Variants in ZDHHC1 observed in about 807,000 individuals in gnomAD.
ZDHHC1 encodes the protein zDHHC palmitoyltransferase 1, also known as palmitoyltransferase ZDHHC1.
Under a neutral mutation model 46.9 loss-of-function variants are expected in ZDHHC1, and 45 were observed. The observed-to-expected ratio is 0.96, with a 90% CI of 0.76 to 1.23. The LOEUF (loss-of-function observed/expected upper bound fraction) is 1.23. Among genes scored for constraint, ZDHHC1 ranks in the 50% most tolerant of loss-of-function variants. The pLI is 0.00. For missense variants in ZDHHC1, 649 were observed against 670.8 expected (o/e 0.97, Z 0.36); for synonymous variants, 291 against 286.0 (o/e 1.02, Z -0.18).
intron 1 of ZDHHC1, among the ~76,000 whole-genome samples, chr16:67,411,928 C>T (rs1018086106): frequency 6.6e-6 from 1 of 152,072 alleles, no homozygotes; most frequent in Non-Finnish European, 1.5e-5. Context: ...GCCTGGTCAA[C>T]CTGGTGAAAC....
At chr16:67,415,409 T>G (rs2040817888) in intron 1 of ZDHHC1, among the ~76,000 whole-genome samples, 1 of 149,860 alleles carries the variant, frequency 6.7e-6, no homozygotes. Flanking sequence ...CGGTGACCCA[T>G]GTTCACACCA....
At chr16:67,411,331 C>T (rs886300342) in intron 1 of ZDHHC1, among the ~76,000 whole-genome samples, 4 of 152,120 alleles carry the variant, frequency 2.6e-5, no homozygotes, top group Non-Finnish European at 5.9e-5. Flanking sequence ...GAAGCAGGTG[C>T]TTGGAGGGCC....
chr16:67,398,303 T>A lies in ZDHHC1; in HGVS notation c.836A>T (p.Tyr279Phe). ...TGGGCGGTGCTGCACGATGTACTCA[T>A]AGGTGGTGAGCTTGTGCCACACTGG... is the stretch of plus-strand genomic sequence containing the variant. ...IYLMWHKLTT[Y>F]EYIVQHRPPQ... is the part of the protein sequence containing the mutation. The change falls in exon 8 of 12, where the codon TAT becomes TTT. Residue 279 changes from tyrosine to phenylalanine, a missense_variant. Coordinates refer to ENST00000565726, the MANE Select transcript of ZDHHC1 (RefSeq NM_001323627.2). 1.2e-6 allele frequency: 2 copies of A among 1,613,798 alleles called. No individual in the cohort carries two copies.
At chr16:67,402,602 A>G (rs2040572955) in intron 3 of ZDHHC1, among the ~76,000 whole-genome samples, 1 of 151,732 alleles carries the variant, frequency 6.6e-6, no homozygotes. Flanking sequence ...AGCACTGAAG[A>G]GACTGCAGTC....
intron 1 of ZDHHC1, among the ~76,000 whole-genome samples, chr16:67,413,632 T>C (rs1375422220): frequency 3.3e-5 from 5 of 152,126 alleles, no homozygotes. Flanking sequence ...TTCTCTCTCA[T>C]AAACAACAGG....
chr16:67,394,967 C>A, intron 11 of ZDHHC1, 35 bp downstream of exon 11: 1 of 1,588,554 alleles, frequency 6.3e-7, no homozygotes, highest in Non-Finnish European at 8.6e-7. Context: ...CCCTCGAGTT[C>A]CCAGAGCAGG....
At position 67,394,719 on chromosome 16, in the gene ZDHHC1, C is replaced by T. The variant is rs1367630451; in HGVS notation, c.1340G>A (p.Arg447Gln). ...GSAALAAPRG[R>Q]GRQPTLARQA... Reference sequence around the variant, plus strand: ...CCGCGCCAGCGTGGGCTGTCGGCCCCGGCCCCGCGGGGCGGCCAGAGCGGC... The same window carrying T: ...CCGCGCCAGCGTGGGCTGTCGGCCCTGGCCCCGCGGGGCGGCCAGAGCGGC... Residue 447 changes from arginine (R) to glutamine (Q), a missense_variant, in exon 12 of 12, where the codon CGG (arginine) becomes CAG (glutamine). Transcript: ENST00000565726. The T allele has an allele frequency of 8.0e-6, 11 of 1,369,586 alleles. No individual in the cohort carries two copies. Among genetic ancestry groups the T allele is most frequent in the South Asian group, 1.7e-5 (1 of 59,532 alleles). The allele number at this position is 1,369,586 out of a possible 1,614,324, so 84.8% of individuals were successfully genotyped here. A position where few individuals can be genotyped will look rare whatever the true frequency, so the allele number is the denominator to read the frequency against.
rs2040406528 is a variant in ZDHHC1 at position 67,395,285 on chromosome 16, G to C, written c.1011-5C>G. 1 of 1,536,398 alleles carries C rather than the reference G, an allele frequency of 6.5e-7. No individual in the cohort carries two copies. Among genetic ancestry groups the C allele is most frequent in the Non-Finnish European group, 8.8e-7 (1 of 1,139,634 alleles). On this transcript the variant is annotated splice_region_variant and splice_polypyrimidine_tract_variant and intron_variant, in intron 9 of 11. Transcript: ENST00000565726. ...GTGGCAAGAAACTGGGAGGGACTGA[G>C]GGGGAAGCAGGAGGGTAAGCCTGGG...
Position 67,394,766 on chromosome 16 carries a change from C to A in ZDHHC1, c.1293G>T (p.Val431=). 1 of 1,527,878 alleles carries A rather than the reference C, an allele frequency of 6.5e-7. No individual in the cohort carries two copies. The allele number at this position is 1,527,878 out of a possible 1,614,324, so 94.6% of individuals were successfully genotyped here. A position where few individuals can be genotyped will look rare whatever the true frequency, so the allele number is the denominator to read the frequency against. ...ASAESVDEIP[V]AQTRLGSAAL... is the part of the protein sequence containing the mutation. ...CGGCGCTGCCCAGGCGCGTCTGCGC[C>A]ACTGGAATCTCGTCCACGGACTCTG... Residue 431 remains valine (V), a synonymous_variant, in exon 12 of 12, where the codon GTG becomes GTT. Transcript: ENST00000565726.
chr16:67,407,160 G>C (rs965024240), intron 2 of ZDHHC1, among the ~76,000 whole-genome samples: 1 of 152,220 alleles, frequency 6.6e-6, no homozygotes, highest in Non-Finnish European at 1.5e-5. Flanking sequence ...TGGACTCAGA[G>C]CCAGACCACC....
At position 67,406,048 on chromosome 16, in the gene ZDHHC1, G is replaced by A; in HGVS notation, c.252+152C>T. On this transcript the variant is annotated intron_variant, in intron 3 of 11. Transcript: ENST00000565726. The surrounding 1 kb of genome is among the most constrained non-coding windows in gnomAD (Gnocchi z 4.1). ...TCAGGTGGAGGCTGGAGACAGGCTG[G>A]GAAGCAGCAAGTCCCCAGGACTGGG... 2 of 1,220,522 alleles carry A rather than the reference G, an allele frequency of 1.6e-6. No homozygotes were observed. Among genetic ancestry groups the A allele is most frequent in the Non-Finnish European group, 1.1e-6 (1 of 913,118 alleles). 75.6% of individuals were successfully genotyped at this position (1,220,522 alleles called of 1,614,324 possible).
rs2040369478 is a variant in ZDHHC1 at position 67,394,231 on chromosome 16, G to C, written c.*379C>G. 6.6e-6 allele frequency among the ~76,000 whole-genome samples: 1 copy of C among 152,178 alleles called. No homozygotes were observed. Among genetic ancestry groups the C allele is most frequent in the Non-Finnish European group, 1.5e-5 (1 of 68,026 alleles). Reference sequence around the variant, plus strand: ...CTCCCAGTGCAAAGCCCATCTTTAAGAAAAATAACCTCCTCCAGGCCGCCT... The same window carrying C: ...CTCCCAGTGCAAAGCCCATCTTTAACAAAAATAACCTCCTCCAGGCCGCCT... On this transcript the variant is annotated 3_prime_UTR_variant, in exon 12 of 12. Transcript: ENST00000565726.
Position 67,406,064 on chromosome 16 carries a change from C to A in ZDHHC1, c.252+136G>T. ...GACAGGCTGGGAAGCAGCAAGTCCC[C>A]AGGACTGGGCCCACCCTGCTCCACT... On this transcript the variant is annotated intron_variant, in intron 3 of 11. Transcript: ENST00000565726. This position sits in a 1 kb window ranked among gnomAD's most constrained non-coding sequence, Gnocchi z 4.1. 7.4e-7 allele frequency: 1 copy of A among 1,347,388 alleles called. No individual in the cohort carries two copies. The allele number at this position is 1,347,388 out of a possible 1,614,324, so 83.5% of individuals were successfully genotyped here.
intron 1 of ZDHHC1, among the ~76,000 whole-genome samples, chr16:67,413,368 A>T (rs545968765): frequency 6.6e-6 from 1 of 152,330 alleles, no homozygotes; most frequent in African/African-American, 2.4e-5. Context: ...GGAAGCTAGA[A>T]AGAAAACACT....
chr16:67,397,948 G>A (rs948375561), intron 8 of ZDHHC1, among the ~76,000 whole-genome samples: 2 of 152,194 alleles, frequency 1.3e-5, no homozygotes, highest in African/African-American at 2.4e-5. Flanking sequence ...CAACCTGCTT[G>A]CTTCCAGGCT....
chr16:67,408,178 T>A (rs968585342), intron 1 of ZDHHC1, among the ~76,000 whole-genome samples: 1 of 152,028 alleles, frequency 6.6e-6, no homozygotes, highest in East Asian at 1.9e-4. Context: ...TTTTTTTTTT[T>A]CTTCTGAGAC....
chr16:67,403,280 G>A (rs2040587492), intron 3 of ZDHHC1, among the ~76,000 whole-genome samples: 1 of 152,216 alleles, frequency 6.6e-6, no homozygotes, highest in Non-Finnish European at 1.5e-5. Flanking sequence ...GTTTTTATGT[G>A]AGATCTCTCA....
At chr16:67,405,680 C>T (rs1316349898) in intron 3 of ZDHHC1, among the ~76,000 whole-genome samples, 1 of 152,208 alleles carries the variant, frequency 6.6e-6, no homozygotes, top group Non-Finnish European at 1.5e-5. Context: ...CATTCAACCT[C>T]ACTCTAAAAG....
chr16:67,408,483 T>C (rs2040700604), intron 1 of ZDHHC1, among the ~76,000 whole-genome samples: 1 of 151,528 alleles, frequency 6.6e-6, no homozygotes, highest in East Asian at 1.9e-4. Flanking sequence ...CCTTGCTTTG[T>C]TTTGTTTTGT....
Sources: gnomAD v4.1 joint callset for allele counts (sites outside exome capture counted in the v4.1 genomes callset) on GRCh38, gnomAD v4.1.1 for gene constraint, Gnocchi (gnomAD v3.1) non-coding constraint, MANE v1.5 for transcripts, NCBI Gene and HGNC (gene_info 2026-07-23, HGNC 2026-07-21) for gene names.